RPL28: variants seen among roughly 807,000 people sequenced by gnomAD.
The protein encoded by RPL28 is large ribosomal subunit protein eL28.
Under a neutral mutation model 12.5 loss-of-function variants are expected in RPL28, and 4 were observed. That is an observed-to-expected ratio of 0.32 (90% CI 0.16 to 0.73). The LOEUF (loss-of-function observed/expected upper bound fraction) is 0.73. Ranked by LOEUF, RPL28 falls within the 30% of genes least tolerant of loss-of-function variation. The pLI is 0.66. For synonymous variants in RPL28, 91 were observed against 72.5 expected (o/e 1.26, Z -1.30); for missense variants, 214 against 197.7 (o/e 1.08, Z -0.49).
chr19:55,387,266 G>A (rs2089940730), intron 3 of RPL28: 1 of 1,550,172 alleles, frequency 6.5e-7, no homozygotes, highest in Non-Finnish European at 8.7e-7. Context: ...TTCTTGACAG[G>A]GCTGTATTTT....
In RPL28 at chr19:55,389,068, C is replaced by G; in HGVS notation, c.*736C>G. 1 of 985,560 alleles carries G rather than the reference C, an allele frequency of 1.0e-6. No individual in the cohort carries two copies. The highest frequency in any genetic ancestry group is 1.7e-5 in the African/African-American group (1 of 57,358). 61.1% of individuals were successfully genotyped at this position (985,560 alleles called of 1,614,324 possible). A position where few individuals can be genotyped will look rare whatever the true frequency, so the allele number is the denominator to read the frequency against. ...GCCGCTCCTGGGCCACCCTGTCACCCAAGCTTTCCTGATTGCCCAGCCCTC... is the reference window on the plus strand; with the variant it reads ...GCCGCTCCTGGGCCACCCTGTCACCGAAGCTTTCCTGATTGCCCAGCCCTC... On this transcript the variant is annotated 3_prime_UTR_variant, in exon 5 of 5. Coordinates refer to ENST00000344063, the MANE Select transcript of RPL28 (RefSeq NM_000991.5).
chr19:55,401,591 C>A, intron 4 of RPL28: 1 of 1,608,534 alleles, frequency 6.2e-7, no homozygotes. Context: ...GTGCCACTGG[C>A]CAGGGCCCGA....
Position 55,388,442 on chromosome 19 carries a change from G to C in RPL28, c.*110G>C. The C allele has an allele frequency of 7.3e-7, 1 of 1,362,638 alleles. No homozygotes were observed. The highest frequency in any genetic ancestry group is 9.5e-7 in the Non-Finnish European group (1 of 1,052,364). 84.4% of individuals were successfully genotyped at this position (1,362,638 alleles called of 1,614,324 possible). ...TCTGGCCCTGTGTGTTGTCATTCAG[G>C]CCATGTCATCAAAACTCTGCATGTC... On this transcript the variant is annotated 3_prime_UTR_variant, in exon 5 of 5. Coordinates refer to ENST00000344063, the MANE Select transcript of RPL28 (RefSeq NM_000991.5).
downstream of RPL28, among the ~76,000 whole-genome samples, chr19:55,395,716 T>C (rs996256312): frequency 3.9e-5 from 6 of 152,054 alleles, no homozygotes; most frequent in African/African-American, 1.2e-4. Context: ...GTGCTGGGAT[T>C]ACAGGCATGA....
In RPL28 at chr19:55,391,973, TTC is replaced by T. The variant is rs1344450179; in HGVS notation, c.*3643_*3644del. 1 of 1,195,960 alleles carries T rather than the reference TTC, an allele frequency of 8.4e-7. No individual in the cohort carries two copies. The highest frequency in any genetic ancestry group is 1.0e-6 in the Non-Finnish European group (1 of 959,294). 74.1% of individuals were successfully genotyped at this position (1,195,960 alleles called of 1,614,324 possible). A position where few individuals can be genotyped will look rare whatever the true frequency, so the allele number is the denominator to read the frequency against. On this transcript the variant is annotated 3_prime_UTR_variant, in exon 5 of 5. Coordinates refer to ENST00000344063, the MANE Select transcript of RPL28 (RefSeq NM_000991.5). ...CTCCTGCCCGTGTTTGTGAATATCA[TTC>T]TGTCCTCAGCTGCATTTCCAGCCCA...
chr19:55,386,748 T>C (rs1426776675), intron 3 of RPL28, 55 bp downstream of exon 3: 1 of 1,610,530 alleles, frequency 6.2e-7, no homozygotes, highest in South Asian at 1.1e-5. Flanking sequence ...GTCTGGGAGC[T>C]GTGATTTTTT....
At chr19:55,395,774 A>T (rs866050055), downstream of RPL28, among the ~76,000 whole-genome samples, 2 of 152,168 alleles carry the variant, frequency 1.3e-5, no homozygotes, top group African/African-American at 4.8e-5. Context: ...AAAAATTTCT[A>T]TAATGAAATG....
At position 55,388,281 on chromosome 19, in the gene RPL28, G is replaced by A; in HGVS notation, c.363G>A (p.Gln121=). 6.3e-7 allele frequency: 1 copy of A among 1,584,502 alleles called. No homozygotes were observed. Among genetic ancestry groups the A allele is most frequent in the Non-Finnish European group, 8.6e-7 (1 of 1,165,884 alleles). The part of the protein sequence containing the change: ...IRRASAILRS[Q]KPVMVKRKRT... ...GGGCCAGCGCCATCCTGCGCAGCCAGAAGCCTGTGATGGTGAAGAGGAAGC... is the reference window on the plus strand; with the variant it reads ...GGGCCAGCGCCATCCTGCGCAGCCAAAAGCCTGTGATGGTGAAGAGGAAGC... Residue 121 remains glutamine (Q), a synonymous_variant, in exon 5 of 5, where the codon CAG becomes CAA. Coordinates refer to ENST00000344063, the MANE Select transcript of RPL28 (RefSeq NM_000991.5).
downstream of RPL28, among the ~76,000 whole-genome samples, chr19:55,392,628 G>A (rs754159053): frequency 4.0e-5 from 6 of 151,612 alleles, no homozygotes; most frequent in Non-Finnish European, 8.8e-5. Context: ...CCAGGTTCAC[G>A]CCATTCTCCT....
intron 4 of RPL28, chr19:55,402,839 C>A (rs1164223202): frequency 1.1e-6 from 1 of 949,510 alleles, no homozygotes; most frequent in Non-Finnish European, 1.5e-6. Flanking sequence ...TACCTTGGAG[C>A]TCAATCCTCT....
chr19:55,392,198 C>T (rs1221180788), downstream of RPL28: 1 of 809,778 alleles, frequency 1.2e-6, no homozygotes, highest in East Asian at 1.3e-4. Flanking sequence ...TGTGCTTCTC[C>T]TTTTTGGAAA....
chr19:55,391,030 A>G lies in RPL28; in HGVS notation c.*2698A>G, dbSNP rs1164936101. 2.2e-6 allele frequency: 2 copies of G among 912,020 alleles called. No homozygotes were observed. Among genetic ancestry groups the G allele is most frequent in the African/African-American group, 1.8e-5 (1 of 55,738 alleles). The allele number at this position is 912,020 out of a possible 1,614,324, so 56.5% of individuals were successfully genotyped here. ...CACCATAGTAAAAATGCTGAAAGCC[A>G]AAGACAAAATTGGGAGAACAAAAGA... On this transcript the variant is annotated 3_prime_UTR_variant, in exon 5 of 5. Transcript: ENST00000344063.
downstream of RPL28, chr19:55,403,291 A>C (rs1264240063): frequency 3.5e-6 from 2 of 573,178 alleles, no homozygotes; most frequent in East Asian, 5.7e-5. Context: ...GCTTTAGCAA[A>C]AAAGCCTCTA....
Position 55,388,712 on chromosome 19 carries a change from C to T in RPL28, c.*380C>T, listed in dbSNP as rs2089960688. 9.6e-7 allele frequency: 1 copy of T among 1,043,234 alleles called. No homozygotes were observed. Among genetic ancestry groups the T allele is most frequent in the Non-Finnish European group, 1.2e-6 (1 of 868,338 alleles). 64.6% of individuals were successfully genotyped at this position (1,043,234 alleles called of 1,614,324 possible). On this transcript the variant is annotated 3_prime_UTR_variant, in exon 5 of 5. Coordinates refer to ENST00000344063, the MANE Select transcript of RPL28 (RefSeq NM_000991.5). ...CAGGCTGAGGGCTGGGCCCTGGGCC[C>T]TGGTGCTGTAGCACGGTTTGGGGAC...
At chr19:55,402,587 A>C (rs2090068290) in intron 4 of RPL28, among the ~76,000 whole-genome samples, 1 of 152,218 alleles carries the variant, frequency 6.6e-6, no homozygotes, top group Non-Finnish European at 1.5e-5. Flanking sequence ...TACCTGGCTC[A>C]GCAGATGCTC....
At chr19:55,400,758 G>A (rs1292429835) in intron 4 of RPL28, 1 of 152,368 alleles carries the variant, frequency 6.6e-6, no homozygotes, top group East Asian at 1.9e-4. Context: ...TCTGAAGTGG[G>A]TGTTGTTTTA....
Position 55,390,379 on chromosome 19 carries a change from A to G in RPL28, c.*2047A>G, listed in dbSNP as rs141179850. 4.9e-6 allele frequency: 4 copies of G among 823,374 alleles called. No individual in the cohort carries two copies. The highest frequency in any genetic ancestry group is 1.1e-4 in the South Asian group (2 of 18,074). The allele number at this position is 823,374 out of a possible 1,614,324, so 51.0% of individuals were successfully genotyped here. On this transcript the variant is annotated 3_prime_UTR_variant, in exon 5 of 5. Transcript: ENST00000344063. ...GTCACCACACCCAGCTCAGTATTGT[A>G]TTTTTAGCAGAGATGGGGTTTCACC...
At chr19:55,396,147 C>A (rs749972281), downstream of RPL28, among the ~76,000 whole-genome samples, 7 of 150,874 alleles carry the variant, frequency 4.6e-5, no homozygotes, top group Non-Finnish European at 1.0e-4. Context: ...AGTGTGCACC[C>A]GTAGTTCCAG....
rs568088569 is a variant in RPL28 at position 55,390,839 on chromosome 19, G to C, written c.*2507G>C. ...CAGAGTTTGGAGTCCTCAGTGTGCT[G>C]AGCAAACGTGGAGACACCATTTCCC... On this transcript the variant is annotated 3_prime_UTR_variant, in exon 5 of 5. Coordinates refer to ENST00000344063, the MANE Select transcript of RPL28 (RefSeq NM_000991.5). The C allele has an allele frequency of 8.1e-6, 8 of 985,472 alleles. No individual in the cohort carries two copies. The East Asian group carries it at 3.4e-4, about 42-fold the overall frequency. The allele number at this position is 985,472 out of a possible 1,614,324, so 61.0% of individuals were successfully genotyped here.
Sources: gnomAD v4.1 joint callset for allele counts (sites outside exome capture counted in the v4.1 genomes callset) on GRCh38, gnomAD v4.1.1 for gene constraint, MANE v1.5 for transcripts, NCBI Gene and HGNC (gene_info 2026-07-23, HGNC 2026-07-21) for gene names.